Variants in DOCK3 observed in about 807,000 individuals in gnomAD.
DOCK3 encodes the protein dedicator of cytokinesis protein 3.
Under a neutral mutation model 265.6 loss-of-function variants are expected in DOCK3, and 60 were observed. The ratio of observed to expected loss-of-function variants is 0.23; its 90% confidence interval spans 0.18 to 0.28. The LOEUF (loss-of-function observed/expected upper bound fraction) is 0.28. DOCK3 is among the 10% of genes least tolerant of loss of function. The pLI is 1.00. For synonymous variants in DOCK3, 881 were observed against 938.0 expected (o/e 0.94, Z 1.11); for missense variants, 1,981 against 2,594.3 (o/e 0.76, Z 5.14).
intron 2 of DOCK3, among the ~76,000 whole-genome samples, chr3:50,830,655 G>A (rs2045085716): frequency 6.6e-6 from 1 of 152,128 alleles, no homozygotes; most frequent in Admixed American, 6.6e-5. Context: ...ATTCTTTTGG[G>A]TTCACACTGC....
chr3:50,897,596 G>C (rs541888001), intron 4 of DOCK3, among the ~76,000 whole-genome samples: 105 of 152,294 alleles, frequency 6.9e-4, no homozygotes, highest in Middle Eastern at 3.4e-3. Flanking sequence ...TTTGCCCATT[G>C]AGTATGACAT....
chr3:51,207,713 T>C (rs2089291582), intron 12 of DOCK3, among the ~76,000 whole-genome samples: 1 of 152,180 alleles, frequency 6.6e-6, no homozygotes, highest in Non-Finnish European at 1.5e-5. Context: ...GCACATTCTA[T>C]AACTCTTACT....
At chr3:51,003,527 A>G (rs182031167) in intron 5 of DOCK3, among the ~76,000 whole-genome samples, 1 of 152,384 alleles carries the variant, frequency 6.6e-6, no homozygotes, top group African/African-American at 2.4e-5. Flanking sequence ...TGTATGCATG[A>G]TGGATATTAC....
At chr3:50,786,841 C>G in intron 2 of DOCK3, 1 of 741,200 alleles carries the variant, frequency 1.3e-6, no homozygotes, top group Non-Finnish European at 2.6e-6. Flanking sequence ...TGTACTGAAA[C>G]CTTTCGTCAC....
At chr3:51,093,591 TG>T (rs1322324319) in intron 9 of DOCK3, among the ~76,000 whole-genome samples, 1 of 152,202 alleles carries the variant, frequency 6.6e-6, no homozygotes, top group Non-Finnish European at 1.5e-5. Flanking sequence ...GCTGAGACGA[TG>T]GGGTTTTCTA....
intron 22 of DOCK3, among the ~76,000 whole-genome samples, chr3:51,249,695 T>C (rs1576537272): frequency 8.6e-6 from 1 of 116,704 alleles, no homozygotes; most frequent in African/African-American, 3.3e-5. Flanking sequence ...GTCCGGGAGG[T>C]GAGGGGCGCC....
chr3:50,986,713 T>C (rs1353709419), intron 5 of DOCK3, among the ~76,000 whole-genome samples: 1 of 152,266 alleles, frequency 6.6e-6, no homozygotes. Context: ...ATGTATATTC[T>C]ATATTGTATA....
intron 3 of DOCK3, among the ~76,000 whole-genome samples, chr3:50,875,799 G>A (rs2047674573): frequency 6.6e-6 from 1 of 151,710 alleles, no homozygotes; most frequent in Non-Finnish European, 1.5e-5. Context: ...TGGTATCAGA[G>A]CAGTGCTTGC....
At chr3:50,696,248 T>A (rs1180100710) in intron 1 of DOCK3, among the ~76,000 whole-genome samples, 2 of 152,156 alleles carry the variant, frequency 1.3e-5, no homozygotes, top group East Asian at 1.9e-4. Flanking sequence ...GAATGAATGG[T>A]ATGGCCCAAT....
intron 1 of DOCK3, among the ~76,000 whole-genome samples, chr3:50,699,329 A>T (rs1213521025): frequency 1.3e-5 from 2 of 152,172 alleles, no homozygotes; most frequent in Non-Finnish European, 2.9e-5. Flanking sequence ...TTGTCATAAG[A>T]TTTAAAATCA....
intron 5 of DOCK3, among the ~76,000 whole-genome samples, chr3:50,967,984 T>C (rs1413498340): frequency 6.6e-6 from 1 of 152,208 alleles, no homozygotes; most frequent in East Asian, 1.9e-4. Flanking sequence ...GCTGTACTAA[T>C]TTACGTTCCC....
intron 1 of DOCK3, among the ~76,000 whole-genome samples, chr3:50,677,903 G>A (rs1457451731): frequency 6.6e-6 from 1 of 152,114 alleles, no homozygotes; most frequent in African/African-American, 2.4e-5. Context: ...GTAATATTCT[G>A]TGAGTGATTT....
In DOCK3 at chr3:51,099,098, A is replaced by G. The variant is rs541218184; in HGVS notation, c.746+8714A>G. Among the ~76,000 whole-genome samples the G allele has an allele frequency of 2.6e-5, 4 of 152,360 alleles. No homozygotes were observed. In the South Asian group the frequency reaches 8.3e-4, roughly 32 times the overall value. ...TATTTTGTTGCATAACTCAAAACTG[A>G]AAATATAGACAGAATGAATTCAAAT... On this transcript the variant is annotated intron_variant, in intron 9 of 52. Transcript: ENST00000266037.
At chr3:51,045,280 G>A (rs2080724856) in intron 5 of DOCK3, among the ~76,000 whole-genome samples, 1 of 152,148 alleles carries the variant, frequency 6.6e-6, no homozygotes, top group Non-Finnish European at 1.5e-5. Context: ...GGACTGAGGA[G>A]AGGGAAAGAG....
At chr3:51,366,210 T>C (rs905406771) in intron 49 of DOCK3, among the ~76,000 whole-genome samples, 1 of 152,324 alleles carries the variant, frequency 6.6e-6, no homozygotes, top group Non-Finnish European at 1.5e-5. Flanking sequence ...CCTGGTTTAG[T>C]CTTGGGAGGG....
chr3:51,284,713 C>T (rs1157865518), intron 27 of DOCK3, among the ~76,000 whole-genome samples: 1 of 152,190 alleles, frequency 6.6e-6, no homozygotes, highest in East Asian at 1.9e-4. Context: ...GAGCTCAGCA[C>T]TTCATGAGCC....
At chr3:50,865,087 C>T (rs999999122) in intron 3 of DOCK3, among the ~76,000 whole-genome samples, 1 of 151,946 alleles carries the variant, frequency 6.6e-6, no homozygotes, top group Non-Finnish European at 1.5e-5. Context: ...CAATGTGTAA[C>T]AGTCATACCA....
chr3:51,307,879 G>GT (rs1421611635), intron 27 of DOCK3, among the ~76,000 whole-genome samples: 2,045 of 54,522 alleles, frequency 0.038, 74 homozygotes, highest in African/African-American at 0.098. Context: ...AATTATATGG[G>GT]TTTTTTTTTT....
chr3:50,983,496 T>C (rs1245843363), intron 5 of DOCK3, among the ~76,000 whole-genome samples: 1 of 152,106 alleles, frequency 6.6e-6, no homozygotes, highest in East Asian at 1.9e-4. Flanking sequence ...GGATGACCAG[T>C]TGCAGAGAGG....
Sources: allele counts gnomAD v4.1 joint callset (sites outside exome capture counted in the v4.1 genomes callset), GRCh38; gene constraint gnomAD v4.1.1; transcripts MANE v1.5; gene names NCBI Gene and HGNC (gene_info 2026-07-23, HGNC 2026-07-21).